The following MTMR14 variants were observed in gnomAD, a reference collection of about 807,000 sequenced individuals.
MTMR14 encodes the protein phosphatidylinositol-3,5-bisphosphate 3-phosphatase MTMR14.
MTMR14 carries 48 observed loss-of-function variants against 86.3 expected under a neutral mutation model. The observed-to-expected ratio is 0.56, with a 90% CI of 0.44 to 0.71. The LOEUF is 0.71. MTMR14 is among the 30% of genes least tolerant of loss of function. MTMR14 has a pLI of 0.00. For missense variants in MTMR14, 780 were observed against 834.6 expected, an observed-to-expected ratio of 0.93 and a Z score of 0.81; for synonymous variants, 366 against 326.1, an observed-to-expected ratio of 1.12 and a Z score of -1.32.
At chr3:9,687,995 G>A in intron 14 of MTMR14, 104 bp downstream of exon 14, 2 of 982,588 alleles carry the variant, frequency 2.0e-6, no homozygotes, top group East Asian at 2.6e-5. Flanking sequence ...CTGCCTCCCT[G>A]CTTGTTGGGC....
intron 3 of MTMR14, among the ~76,000 whole-genome samples, chr3:9,665,730 A>AT (rs759820447): frequency 0.054 from 7,540 of 139,500 alleles, 236 homozygotes; most frequent in Middle Eastern, 0.073. Context: ...TTTCATTTTA[A>AT]TTTTTTTTTT....
intron 9 of MTMR14, among the ~76,000 whole-genome samples, chr3:9,682,254 C>T (rs537809115): frequency 7.2e-5 from 11 of 152,236 alleles, no homozygotes; most frequent in African/African-American, 2.6e-4. Context: ...TCTCCAGGGG[C>T]GTGGGAGGGT....
chr3:9,677,389 T>C lies in MTMR14; in HGVS notation c.822+2T>C. ...GGGCTCATATTTAACTGGAAGCAGGTATGAGCAATAACATACATCAAATTG... is the reference window on the plus strand; with the variant it reads ...GGGCTCATATTTAACTGGAAGCAGGCATGAGCAATAACATACATCAAATTG... On this transcript the variant is annotated splice_donor_variant, in intron 8 of 18. Transcript: ENST00000296003. LOFTEE classifies it high-confidence loss of function. This position sits in a 1 kb window ranked among gnomAD's most constrained non-coding sequence, Gnocchi z 4.2. 3 of 1,613,158 alleles carry C rather than the reference T, an allele frequency of 1.9e-6. No individual in the cohort carries two copies. The highest frequency in any genetic ancestry group is 2.5e-6 in the Non-Finnish European group (3 of 1,179,186).
intron 2 of MTMR14, chr3:9,653,997 A>G: frequency 3.5e-6 from 2 of 572,614 alleles, no homozygotes; most frequent in South Asian, 1.9e-5. Flanking sequence ...CTTCCACCCT[A>G]GAGCTCATTG....
At chr3:9,688,063 C>T (rs2076019785) in intron 14 of MTMR14, among the ~76,000 whole-genome samples, 172 bp downstream of exon 14, 2 of 152,164 alleles carry the variant, frequency 1.3e-5, no homozygotes, top group African/African-American at 4.8e-5. Flanking sequence ...CTGAAGGCCA[C>T]TGGTGAAGAG....
At chr3:9,675,206 T>C (rs1022936081) in intron 7 of MTMR14, among the ~76,000 whole-genome samples, 5 of 152,116 alleles carry the variant, frequency 3.3e-5, no homozygotes, top group African/African-American at 1.2e-4. Flanking sequence ...TTAGGGAGGG[T>C]AATGAGGATC....
chr3:9,674,496 A>C (rs1017260893), intron 7 of MTMR14, among the ~76,000 whole-genome samples: 1 of 152,204 alleles, frequency 6.6e-6, no homozygotes, highest in African/African-American at 2.4e-5. Context: ...TCATAGAAGA[A>C]TCGAAAATGG....
At chr3:9,672,845 C>A in intron 7 of MTMR14, 87 bp downstream of exon 7, 1 of 1,271,156 alleles carries the variant, frequency 7.9e-7, no homozygotes, top group Non-Finnish European at 1.2e-6. Context: ...GTTACACTGG[C>A]GCCCTGGGAG....
At chr3:9,650,179 T>G (rs1466299165) in intron 1 of MTMR14, 9 of 372,868 alleles carry the variant, frequency 2.4e-5, no homozygotes, top group South Asian at 3.8e-5. Flanking sequence ...GAACCCAGTG[T>G]GCTGCCCCCT....
chr3:9,661,755 A>C (rs1271032050), intron 2 of MTMR14, among the ~76,000 whole-genome samples: 2 of 152,180 alleles, frequency 1.3e-5, no homozygotes, highest in South Asian at 4.2e-4. Context: ...TTCAGAAATC[A>C]GAGTGATTTA....
intron 3 of MTMR14, among the ~76,000 whole-genome samples, chr3:9,667,954 G>A (rs1005751294): frequency 2.0e-5 from 3 of 152,160 alleles, no homozygotes; most frequent in Non-Finnish European, 4.4e-5. Context: ...ACAGGGTCAT[G>A]TTCTCCTAGC....
intron 9 of MTMR14, among the ~76,000 whole-genome samples, chr3:9,678,856 C>T (rs566381685): frequency 2.0e-4 from 31 of 152,326 alleles, no homozygotes; most frequent in African/African-American, 7.5e-4. Context: ...TCCCTGAAAT[C>T]CTGGAGGACA....
In MTMR14 at chr3:9,668,806, A is replaced by T; in HGVS notation, c.493+12A>T. 6.2e-7 allele frequency: 1 copy of T among 1,613,768 alleles called. No homozygotes were observed. The highest frequency in any genetic ancestry group is 1.3e-5 in the African/African-American group (1 of 75,026). On this transcript the variant is annotated intron_variant, in intron 4 of 18. Coordinates refer to ENST00000296003, the MANE Select transcript of MTMR14 (RefSeq NM_001077525.3). ...CTATTTTTTCTCAGGTGAATGTTGAACAGCATCCTCTGATGTAGAATGAGA... is the reference window on the plus strand; with the variant it reads ...CTATTTTTTCTCAGGTGAATGTTGATCAGCATCCTCTGATGTAGAATGAGA...
At chr3:9,656,038 T>C (rs999966644) in intron 2 of MTMR14, among the ~76,000 whole-genome samples, 1 of 151,852 alleles carries the variant, frequency 6.6e-6, no homozygotes, top group Non-Finnish European at 1.5e-5. Context: ...CTACTAAATA[T>C]ACAAAAATTA....
chr3:9,675,009 G>A (rs2048778227), intron 7 of MTMR14, among the ~76,000 whole-genome samples: 1 of 152,270 alleles, frequency 6.6e-6, no homozygotes, highest in African/African-American at 2.4e-5. Context: ...TATTCGGGAG[G>A]CCGAGGCAGG....
intron 5 of MTMR14, 116 bp from the exon 6 acceptor site, chr3:9,670,932 A>G: frequency 1.4e-6 from 2 of 1,381,268 alleles, no homozygotes; most frequent in Non-Finnish European, 2.1e-6. Flanking sequence ...TCCACCTAGC[A>G]CACGCCCCAG....
chr3:9,687,596 C>T (rs2076002159), intron 13 of MTMR14, among the ~76,000 whole-genome samples: 1 of 151,952 alleles, frequency 6.6e-6, no homozygotes, highest in Admixed American at 6.5e-5. Context: ...CCTGGCAGTC[C>T]CAGGAAGGAA....
chr3:9,654,069 T>A (rs531046344), intron 2 of MTMR14, among the ~76,000 whole-genome samples: 6 of 152,052 alleles, frequency 3.9e-5, no homozygotes, highest in Non-Finnish European at 8.8e-5. Flanking sequence ...TTTTAGAGAG[T>A]GTGAGTGGGA....
chr3:9,680,698 G>A (rs149487706), intron 9 of MTMR14, among the ~76,000 whole-genome samples: 3,453 of 152,320 alleles, frequency 0.023, 133 homozygotes, highest in African/African-American at 0.076. Context: ...TTAGCCGGGC[G>A]TGGTGGCGGG....
Sources: allele counts gnomAD v4.1 joint callset (sites outside exome capture counted in the v4.1 genomes callset), GRCh38; gene constraint gnomAD v4.1.1; non-coding constraint Gnocchi (gnomAD v3.1); transcripts MANE v1.5; gene names NCBI Gene and HGNC (gene_info 2026-07-23, HGNC 2026-07-21).